Variants in SPAG16 observed in about 807,000 individuals in gnomAD.
SPAG16 encodes sperm-associated antigen 16 protein.
SPAG16 carries 86 observed loss-of-function variants against 80.4 expected under a neutral mutation model. That is an observed-to-expected ratio of 1.07 (90% CI 0.90 to 1.28). The LOEUF (loss-of-function observed/expected upper bound fraction) is 1.28, where lower values mean the gene tolerates loss of function less well. Ranked by LOEUF, SPAG16 falls within the 50% of genes most tolerant of loss-of-function variation. The pLI is 0.00. For synonymous variants in SPAG16, 294 were observed against 265.9 expected (o/e 1.11, Z -1.03); for missense variants, 870 against 765.3 (o/e 1.14, Z -1.61).
At chr2:214,159,370 AC>A (rs1451655560) in intron 15 of SPAG16, among the ~76,000 whole-genome samples, 1 of 152,016 alleles carries the variant, frequency 6.6e-6, no homozygotes, top group Non-Finnish European at 1.5e-5. Flanking sequence ...ATACTGCATG[AC>A]CCAAAGTCAA....
intron 15 of SPAG16, among the ~76,000 whole-genome samples, chr2:214,368,011 A>G (rs1244759019): frequency 6.6e-6 from 1 of 152,172 alleles, no homozygotes; most frequent in Non-Finnish European, 1.5e-5. Context: ...CATGGTGGTT[A>G]GAAAAAAATG....
chr2:214,398,272 T>C (rs1326203282), intron 15 of SPAG16, among the ~76,000 whole-genome samples: 1 of 152,246 alleles, frequency 6.6e-6, no homozygotes, highest in African/African-American at 2.4e-5. Flanking sequence ...GTGATAAATA[T>C]ATTTGTTAAA....
intron 15 of SPAG16, among the ~76,000 whole-genome samples, chr2:214,228,653 C>A (rs115166135): frequency 0.014 from 2,060 of 151,918 alleles, 21 homozygotes; most frequent in African/African-American, 0.028. Flanking sequence ...ATCAGAAAGT[C>A]TGCAATTAGG....
At chr2:213,566,212 A>G (rs1156859282) in intron 10 of SPAG16, among the ~76,000 whole-genome samples, 1 of 152,186 alleles carries the variant, frequency 6.6e-6, no homozygotes, top group African/African-American at 2.4e-5. Flanking sequence ...CGTTGGAGGA[A>G]TTATCCAAAT....
chr2:213,566,734 G>C (rs2059782003), intron 10 of SPAG16, among the ~76,000 whole-genome samples: 1 of 152,136 alleles, frequency 6.6e-6, no homozygotes, highest in South Asian at 2.1e-4. Context: ...TCTGGTGATG[G>C]TGTATAATGA....
intron 13 of SPAG16, among the ~76,000 whole-genome samples, chr2:214,064,065 A>T (rs962340022): frequency 6.6e-6 from 1 of 152,150 alleles, no homozygotes; most frequent in African/African-American, 2.4e-5. Context: ...GATATTCAGG[A>T]TATTTTGGCA....
At chr2:214,264,809 A>G (rs1691434598) in intron 15 of SPAG16, among the ~76,000 whole-genome samples, 1 of 152,070 alleles carries the variant, frequency 6.6e-6, no homozygotes, top group Non-Finnish European at 1.5e-5. Flanking sequence ...ACTCTTGGCA[A>G]TCACAAATTC....
At chr2:214,120,775 C>CAG (rs2054183151) in intron 14 of SPAG16, among the ~76,000 whole-genome samples, 1 of 151,848 alleles carries the variant, frequency 6.6e-6, no homozygotes, top group Non-Finnish European at 1.5e-5. Flanking sequence ...ATCCTGTTAT[C>CAG]TAGCAGATTC....
intron 11 of SPAG16, among the ~76,000 whole-genome samples, chr2:213,880,662 AG>A (rs1301733160): frequency 1.3e-5 from 2 of 152,182 alleles, no homozygotes; most frequent in Non-Finnish European, 2.9e-5. Context: ...ATATGATGAA[AG>A]GTAAGGGTCC....
At chr2:213,322,158 A>G (rs2063643141) in intron 5 of SPAG16, among the ~76,000 whole-genome samples, 1 of 151,514 alleles carries the variant, frequency 6.6e-6, no homozygotes, top group African/African-American at 2.4e-5. Context: ...CACAGTTTAG[A>G]CACTATATTC....
chr2:213,785,028 T>A (rs1421000005), intron 10 of SPAG16, among the ~76,000 whole-genome samples: 1 of 152,096 alleles, frequency 6.6e-6, no homozygotes, highest in African/African-American at 2.4e-5. Flanking sequence ...ATGCTTGTGT[T>A]TGGTATATAT....
At chr2:213,583,227 C>A (rs142994328) in intron 10 of SPAG16, among the ~76,000 whole-genome samples, 1 of 152,184 alleles carries the variant, frequency 6.6e-6, no homozygotes, top group African/African-American at 2.4e-5. Context: ...AGGCTCCTTT[C>A]CAAATGGAAT....
intron 14 of SPAG16, among the ~76,000 whole-genome samples, chr2:214,126,550 T>C (rs2054507220): frequency 6.6e-6 from 1 of 151,788 alleles, no homozygotes; most frequent in Middle Eastern, 3.2e-3. Context: ...ATAATGGAAC[T>C]TCTCTGAATT....
At chr2:214,193,384 A>G (rs933491275) in intron 15 of SPAG16, among the ~76,000 whole-genome samples, 2 of 121,556 alleles carry the variant, frequency 1.6e-5, no homozygotes, top group Non-Finnish European at 3.9e-5. Context: ...TCTAATTCAA[A>G]GAGATCTTTT....
chr2:214,108,280 G>T lies in SPAG16; in HGVS notation c.1593+19G>T. 6.3e-7 allele frequency: 1 copy of T among 1,584,260 alleles called. No homozygotes were observed. ...TCCCAGGGTAAGTTCAGTTCTCCCA[G>T]TAAACTGTTTTTAATGCTTCATATA... On this transcript the variant is annotated intron_variant, in intron 14 of 15. Transcript: ENST00000331683.
intron 15 of SPAG16, among the ~76,000 whole-genome samples, chr2:214,176,802 T>C (rs2125652714): frequency 6.9e-6 from 1 of 145,410 alleles, no homozygotes; most frequent in Admixed American, 6.9e-5. Flanking sequence ...TAGTGGAATT[T>C]ATTGAATGTG....
At chr2:213,922,226 A>C (rs1335757931) in intron 11 of SPAG16, among the ~76,000 whole-genome samples, 1 of 148,892 alleles carries the variant, frequency 6.7e-6, no homozygotes, top group East Asian at 2.0e-4. Context: ...CTTCCTTTTA[A>C]ATTCTTTTTT....
At chr2:214,077,352 T>C (rs2051131001) in intron 13 of SPAG16, among the ~76,000 whole-genome samples, 1 of 152,230 alleles carries the variant, frequency 6.6e-6, no homozygotes, top group African/African-American at 2.4e-5. Flanking sequence ...TCATTTGTTC[T>C]TCTAAACACA....
intron 10 of SPAG16, among the ~76,000 whole-genome samples, chr2:213,759,385 T>C (rs975235594): frequency 2.0e-5 from 3 of 152,040 alleles, no homozygotes; most frequent in African/African-American, 7.2e-5. Flanking sequence ...GTAACTCCAA[T>C]TTTGTTTTGT....
Sources: gnomAD v4.1 joint callset for allele counts (sites outside exome capture counted in the v4.1 genomes callset) on GRCh38, gnomAD v4.1.1 for gene constraint, MANE v1.5 for transcripts, NCBI Gene and HGNC (gene_info 2026-07-23, HGNC 2026-07-21) for gene names.